Variants in IGSF23 observed in about 807,000 individuals in gnomAD.
IGSF23 encodes immunoglobulin superfamily, member 23.
A neutral mutation model predicts 17.8 loss-of-function variants in IGSF23; 14 were observed. The observed-to-expected ratio is 0.79, with a 90% CI of 0.52 to 1.23. The LOEUF is 1.23. IGSF23 is among the 50% of genes most tolerant of loss of function. The pLI is 0.00. For synonymous variants in IGSF23, 85 were observed against 92.5 expected (o/e 0.92, Z 0.46); for missense variants, 214 against 241.7 (o/e 0.89, Z 0.76).
chr19:44,629,886 AAAG>A (rs1301941557), intron 3 of IGSF23, among the ~76,000 whole-genome samples: 2 of 152,148 alleles, frequency 1.3e-5, no homozygotes, highest in African/African-American at 4.8e-5. Flanking sequence ...CCTGCCTTGC[AAAG>A]TGCTGGGATT....
intron 1 of IGSF23, among the ~76,000 whole-genome samples, chr19:44,617,667 T>C (rs948930211): frequency 3.9e-5 from 6 of 152,216 alleles, no homozygotes; most frequent in African/African-American, 1.4e-4. Flanking sequence ...CCTTTATTAT[T>C]TCTAAATAAG....
intron 1 of IGSF23, among the ~76,000 whole-genome samples, chr19:44,616,301 G>A (rs1972374275): frequency 1.3e-5 from 2 of 152,164 alleles, no homozygotes; most frequent in African/African-American, 2.4e-5. Flanking sequence ...TTGTTTTACT[G>A]CTTTTTACTT....
rs11344283 is a variant in IGSF23, at chr19:44,629,632, C to CTTTT, written c.545+2076_545+2079dup. On this transcript the variant is annotated intron_variant, in intron 3 of 4. Coordinates refer to ENST00000402988, the MANE Select transcript of IGSF23 (RefSeq NM_001205280.2). ...GTATTGAGCACCTATTATATGCTTTCTTTTTTTTTTTTTTTTTTTTGAGAC... is the reference window on the plus strand; with the variant it reads ...GTATTGAGCACCTATTATATGCTTTCTTTTTTTTTTTTTTTTTTTTTTTTGAGAC... Among the ~76,000 whole-genome samples the CTTTT allele has an allele frequency of 9.4e-4, 107 of 114,114 alleles. 1 individual carries two copies. Among genetic ancestry groups the CTTTT allele is most frequent in the Middle Eastern group, 5.1e-3 (1 of 198 alleles). 74.9% of individuals were successfully genotyped at this position (114,114 alleles called of 152,430 possible).
intron 3 of IGSF23, among the ~76,000 whole-genome samples, chr19:44,630,680 T>G (rs1278979631): frequency 6.6e-6 from 1 of 152,208 alleles, no homozygotes; most frequent in Non-Finnish European, 1.5e-5. Flanking sequence ...GCTAGCCTCA[T>G]CCAATCAGCT....
At chr19:44,616,308 A>G (rs899576565) in intron 1 of IGSF23, among the ~76,000 whole-genome samples, 1 of 152,180 alleles carries the variant, frequency 6.6e-6, no homozygotes, top group African/African-American at 2.4e-5. Context: ...ACTGCTTTTT[A>G]CTTTACTTTC....
rs534616463 is a variant in IGSF23, at chr19:44,613,708, C to T, written c.63C>T (p.Thr21=). Residue 21 remains threonine (T), a synonymous_variant, in exon 1 of 5, where the codon ACC becomes ACT. Transcript: ENST00000402988. ...RNPVPAWSPP[T]TTTDPMLEKD... is the part of the protein sequence containing the mutation. ...CTGTCCCAGCCTGGTCCCCACCCACCACCACCACTGACCCGATGCTAGAGA... is the reference window on the plus strand; with the variant it reads ...CTGTCCCAGCCTGGTCCCCACCCACTACCACCACTGACCCGATGCTAGAGA... 5.6e-4 allele frequency: 872 copies of T among 1,550,544 alleles called. No individual in the cohort carries two copies. Among genetic ancestry groups the T allele is most frequent in the Non-Finnish European group, 7.2e-4 (825 of 1,146,974 alleles).
At chr19:44,613,823 T>A (rs1972305797) in intron 1 of IGSF23, 53 bp downstream of exon 1, 31 of 1,548,274 alleles carry the variant, frequency 2.0e-5, no homozygotes, top group Non-Finnish European at 2.6e-5. Flanking sequence ...GTGAGCAGGG[T>A]CCTGCAGGGT....
chr19:44,635,390 C>G lies in IGSF23; in HGVS notation c.546-11C>G. 6.5e-7 allele frequency: 1 copy of G among 1,541,104 alleles called. No individual in the cohort carries two copies. Among genetic ancestry groups the G allele is most frequent in the Non-Finnish European group, 8.8e-7 (1 of 1,140,206 alleles). On this transcript the variant is annotated splice_polypyrimidine_tract_variant and intron_variant, in intron 3 of 4. Coordinates refer to ENST00000402988, the MANE Select transcript of IGSF23 (RefSeq NM_001205280.2). ...TCTCTCTCTCTGTCTCTCTCTCTCT[C>G]TCCACTGCAGGACTGACAGGCAGAG...
intron 3 of IGSF23, among the ~76,000 whole-genome samples, chr19:44,634,541 C>A (rs574903855): frequency 1.3e-5 from 2 of 152,260 alleles, no homozygotes; most frequent in East Asian, 3.9e-4. Context: ...TGGATTCCTG[C>A]CTGAATAGAA....
At chr19:44,633,376 C>G (rs1972812194) in intron 3 of IGSF23, among the ~76,000 whole-genome samples, 1 of 152,184 alleles carries the variant, frequency 6.6e-6, no homozygotes. Context: ...TCTTTCAAAC[C>G]TTGCAAATTT....
intron 1 of IGSF23, among the ~76,000 whole-genome samples, chr19:44,615,200 A>G (rs1201821678): frequency 1.3e-5 from 2 of 152,180 alleles, no homozygotes; most frequent in Middle Eastern, 3.4e-3. Context: ...GAGGCAGGAG[A>G]ATGGCGTGAA....
At chr19:44,635,701 T>G (rs1350785090) in intron 4 of IGSF23, among the ~76,000 whole-genome samples, 1 of 152,124 alleles carries the variant, frequency 6.6e-6, no homozygotes, top group South Asian at 2.1e-4. Context: ...AGTCTATATT[T>G]CATAAACCTC....
intron 3 of IGSF23, among the ~76,000 whole-genome samples, chr19:44,634,772 G>C (rs1227147305): frequency 2.7e-5 from 4 of 149,234 alleles, no homozygotes; most frequent in Non-Finnish European, 4.4e-5. Flanking sequence ...CTGTACTCCA[G>C]CCTGGGCAAC....
In IGSF23 at chr19:44,617,841, C is replaced by T. The variant is rs199751405; in HGVS notation, c.125+4071C>T. 3.3e-5 allele frequency among the ~76,000 whole-genome samples: 5 copies of T among 152,150 alleles called. No homozygotes were observed. The East Asian group carries it at 9.6e-4, about 29-fold the overall frequency. On this transcript the variant is annotated intron_variant, in intron 1 of 4. Transcript: ENST00000402988. The stretch of plus-strand genomic sequence containing the variant: ...TGTAGGACTAATCCCTTCAAGCTTA[C>T]TCCCCCGCTGCCCTCTCCTCTTCTG...
At chr19:44,613,903 GCA>G in intron 1 of IGSF23, 133 bp downstream of exon 1, 2 of 1,548,412 alleles carry the variant, frequency 1.3e-6, no homozygotes, top group Non-Finnish European at 1.7e-6. Flanking sequence ...GACCTTCTCT[GCA>G]CAGTCCCTGG....
At chr19:44,621,923 G>A (rs1972530047) in intron 1 of IGSF23, among the ~76,000 whole-genome samples, 1 of 152,112 alleles carries the variant, frequency 6.6e-6, no homozygotes, top group African/African-American at 2.4e-5. Flanking sequence ...TTGGCTCACA[G>A]TAAGAGCCCA....
At position 44,613,962 on chromosome 19, in the gene IGSF23, C is replaced by T. The variant is rs916784807; in HGVS notation, c.125+192C>T. ...CCTCTGGACGTCAGCTCCAGCCACA[C>T]CCCTACCTGGAGGAAGCTGCTTTTA... On this transcript the variant is annotated intron_variant, in intron 1 of 4. Coordinates refer to ENST00000402988, the MANE Select transcript of IGSF23 (RefSeq NM_001205280.2). 77 of 1,541,642 alleles carry T rather than the reference C, an allele frequency of 5.0e-5. No homozygotes were observed. The African/African-American group carries it at 7.9e-4, about 16-fold the overall frequency.
Position 44,634,266 on chromosome 19 carries a change from T to TA in IGSF23, c.546-1134dup, listed in dbSNP as rs538120276. Among the ~76,000 whole-genome samples the TA allele has an allele frequency of 1.2e-4, 19 of 152,342 alleles. No homozygotes were observed. The East Asian group carries it at 3.3e-3, about 26-fold the overall frequency. On this transcript the variant is annotated intron_variant, in intron 3 of 4. Coordinates refer to ENST00000402988, the MANE Select transcript of IGSF23 (RefSeq NM_001205280.2). ...ATCAGGTTCCCTTCTTTATCAAACT[T>TA]AGAGTGACACTGATTAGCCCAGTGT...
At chr19:44,635,067 T>C (rs1357607759) in intron 3 of IGSF23, among the ~76,000 whole-genome samples, 2 of 152,166 alleles carry the variant, frequency 1.3e-5, no homozygotes, top group African/African-American at 4.8e-5. Flanking sequence ...AAGTCCAAGA[T>C]CAAGGTGGCA....
Sources: gnomAD v4.1 joint callset for allele counts (sites outside exome capture counted in the v4.1 genomes callset) on GRCh38, gnomAD v4.1.1 for gene constraint, MANE v1.5 for transcripts, NCBI Gene and HGNC (gene_info 2026-07-23, HGNC 2026-07-21) for gene names.